KLRG1: variants seen among roughly 807,000 people sequenced by gnomAD.
KLRG1 encodes killer cell lectin like receptor G1.
A neutral mutation model predicts 21.8 loss-of-function variants in KLRG1; 16 were observed. The ratio of observed to expected loss-of-function variants is 0.73; its 90% confidence interval spans 0.50 to 1.11. The LOEUF is 1.11. KLRG1 is among the 50% of genes most tolerant of loss of function. KLRG1 has a pLI of 0.00. For missense variants in KLRG1, 173 were observed against 218.3 expected, an observed-to-expected ratio of 0.79 and a Z score of 1.31; for synonymous variants, 69 against 75.9, an observed-to-expected ratio of 0.91 and a Z score of 0.47.
the KLRG1 span, among the ~76,000 whole-genome samples, chr12:9,105,732 T>G: frequency 6.6e-6 from 1 of 152,210 alleles, no homozygotes. Context: ...GAAATATACT[T>G]GTTATAGAAA....
the KLRG1 span, chr12:9,068,933 A>C: frequency 2.3e-6 from 2 of 874,532 alleles, no homozygotes. Flanking sequence ...TTGGGGGAAA[A>C]GCTTTATTAT....
chr12:9,038,131 C>G, the KLRG1 span, among the ~76,000 whole-genome samples: 3 of 152,120 alleles, frequency 2.0e-5, no homozygotes, highest in Non-Finnish European at 4.4e-5. Flanking sequence ...TGTGGTGGTG[C>G]TTGCCTATAG....
chr12:9,040,895 G>T, the KLRG1 span, among the ~76,000 whole-genome samples: 1 of 152,212 alleles, frequency 6.6e-6, no homozygotes, highest in Admixed American at 6.5e-5. Flanking sequence ...GAATGTCAAT[G>T]GGAAGACAAC....
chr12:9,063,621 C>A, the KLRG1 span, among the ~76,000 whole-genome samples: 1 of 152,136 alleles, frequency 6.6e-6, no homozygotes, highest in Admixed American at 6.5e-5. Flanking sequence ...GTAATTAGGC[C>A]TTTTCTCCAG....
chr12:8,967,613 T>C (rs952919090), intron 1 of KLRG1, among the ~76,000 whole-genome samples: 10 of 152,090 alleles, frequency 6.6e-5, no homozygotes, highest in Non-Finnish European at 1.3e-4. Flanking sequence ...TCTCAGCTAC[T>C]TGAAGGCTGA....
the KLRG1 span, chr12:9,162,791 T>A: frequency 1.5e-6 from 1 of 688,814 alleles, no homozygotes. Flanking sequence ...TTGTTTTAAG[T>A]TCAAGGGGAC....
At chr12:8,986,930 T>G (rs867291090), upstream of KLRG1, among the ~76,000 whole-genome samples, 6 of 152,180 alleles carry the variant, frequency 3.9e-5, no homozygotes, top group Admixed American at 1.3e-4. Flanking sequence ...GCTCCTGCTC[T>G]GGCCATGTAA....
At chr12:9,152,348 C>T in the KLRG1 span, 113 of 1,543,636 alleles carry the variant, frequency 7.3e-5, no homozygotes, top group South Asian at 3.8e-4. Flanking sequence ...GGGTTTTATA[C>T]GTGAAAGAAA....
the KLRG1 span, among the ~76,000 whole-genome samples, chr12:9,074,372 A>C: frequency 6.6e-6 from 1 of 152,142 alleles, no homozygotes; most frequent in Admixed American, 6.5e-5. Flanking sequence ...CGGGATTCTG[A>C]GCATTTCCTT....
chr12:9,089,313 T>C, the KLRG1 span: 5 of 1,155,274 alleles, frequency 4.3e-6, no homozygotes, highest in Non-Finnish European at 5.1e-6. Context: ...TGTGTTTTAA[T>C]GGAGGGACCA....
At chr12:9,159,190 C>T in the KLRG1 span, among the ~76,000 whole-genome samples, 1 of 152,052 alleles carries the variant, frequency 6.6e-6, no homozygotes, top group South Asian at 2.1e-4. Context: ...TTTAAGGGGG[C>T]AAGTTACAAA....
the KLRG1 span, chr12:9,165,019 C>G: frequency 1.7e-6 from 2 of 1,204,702 alleles, no homozygotes; most frequent in African/African-American, 3.0e-5. Flanking sequence ...ACTAATTATT[C>G]ACAGTGCTAA....
chr12:9,194,936 A>G, the KLRG1 span, among the ~76,000 whole-genome samples: 3 of 152,150 alleles, frequency 2.0e-5, no homozygotes, highest in African/African-American at 7.2e-5. Flanking sequence ...TCTGCGCTTC[A>G]GTTTTCCACC....
At chr12:9,156,314 C>T in the KLRG1 span, 1 of 211,798 alleles carries the variant, frequency 4.7e-6, no homozygotes, top group Non-Finnish European at 1.0e-5. Context: ...ATCAATGTCA[C>T]CCTTTGTCCT....
chr12:9,110,316 G>T, the KLRG1 span: 1 of 1,462,288 alleles, frequency 6.8e-7, no homozygotes. Flanking sequence ...TTGCTTACCT[G>T]AATGTATACT....
chr12:9,189,465 G>A, the KLRG1 span, among the ~76,000 whole-genome samples: 2 of 152,102 alleles, frequency 1.3e-5, no homozygotes, highest in African/African-American at 2.4e-5. Flanking sequence ...CTGGATCCCC[G>A]CCTTACACAA....
the KLRG1 span, among the ~76,000 whole-genome samples, chr12:9,197,611 T>A: frequency 3.1e-5 from 3 of 95,458 alleles, no homozygotes; most frequent in East Asian, 2.7e-4. Flanking sequence ...TAATATATAT[T>A]ATATATTTAT....
the KLRG1 span, among the ~76,000 whole-genome samples, chr12:9,040,409 G>C: frequency 6.6e-6 from 1 of 152,122 alleles, no homozygotes; most frequent in Non-Finnish European, 1.5e-5. Context: ...GTTGAAATCA[G>C]GAGGTTTTTC....
At chr12:9,044,993 G>A in the KLRG1 span, among the ~76,000 whole-genome samples, 1 of 152,118 alleles carries the variant, frequency 6.6e-6, no homozygotes, top group African/African-American at 2.4e-5. Context: ...AATTATTTTA[G>A]TGGAATACTA....
Sources: allele counts gnomAD v4.1 joint callset (sites outside exome capture counted in the v4.1 genomes callset), GRCh38; gene constraint gnomAD v4.1.1; transcripts MANE v1.5; gene names NCBI Gene and HGNC (gene_info 2026-07-23, HGNC 2026-07-21).